PHF24: variants seen among roughly 807,000 people sequenced by gnomAD.
The protein encoded by PHF24 is Galpha inhibitory interacting protein.
Under a neutral mutation model 42.6 loss-of-function variants are expected in PHF24, and 25 were observed. The ratio of observed to expected loss-of-function variants is 0.59; its 90% CI spans 0.43 to 0.82. PHF24 has a LOEUF of 0.82. PHF24 is among the 40% of genes least tolerant of loss of function. The pLI, the probability that PHF24 is intolerant of heterozygous loss-of-function variation, is 0.00. For missense variants in PHF24, 470 were observed against 538.1 expected, an observed-to-expected ratio of 0.87 and a Z score of 1.25; for synonymous variants, 185 against 204.8, an observed-to-expected ratio of 0.90 and a Z score of 0.83.
the PHF24 span, among the ~76,000 whole-genome samples, chr9:34,870,001 T>C: frequency 2.0e-5 from 3 of 152,172 alleles, no homozygotes; most frequent in Admixed American, 1.3e-4. Flanking sequence ...TCCAGCACAA[T>C]GGAGGCCAGT....
At chr9:34,802,276 T>C in the PHF24 span, among the ~76,000 whole-genome samples, 1 of 152,192 alleles carries the variant, frequency 6.6e-6, no homozygotes, top group Non-Finnish European at 1.5e-5. Flanking sequence ...CCCCACTTCC[T>C]AATCACAAGG....
chr9:34,829,481 T>C, the PHF24 span, among the ~76,000 whole-genome samples: 2 of 152,212 alleles, frequency 1.3e-5, no homozygotes. Context: ...ACATAGTAAG[T>C]ATTCCAATAT....
chr9:34,679,540 C>T, the PHF24 span, among the ~76,000 whole-genome samples: 1 of 152,174 alleles, frequency 6.6e-6, no homozygotes, highest in Non-Finnish European at 1.5e-5. Context: ...CATGGTGAAA[C>T]CCTGTCTCTA....
chr9:34,773,467 A>T, the PHF24 span, among the ~76,000 whole-genome samples: 2 of 152,240 alleles, frequency 1.3e-5, no homozygotes, highest in Non-Finnish European at 2.9e-5. Context: ...GGAATTCAGA[A>T]GTCAACTGCA....
the PHF24 span, among the ~76,000 whole-genome samples, chr9:34,873,793 G>A: frequency 2.0e-5 from 3 of 150,682 alleles, no homozygotes; most frequent in African/African-American, 7.3e-5. Flanking sequence ...AATTACCTTG[G>A]GCAGTATGGC....
chr9:34,725,261 G>A, the PHF24 span: 1 of 1,377,088 alleles, frequency 7.3e-7, no homozygotes. Context: ...GATGGACACT[G>A]GGGCCGCAAT....
the PHF24 span, among the ~76,000 whole-genome samples, chr9:34,739,487 G>A: frequency 6.6e-6 from 1 of 152,172 alleles, no homozygotes; most frequent in Admixed American, 6.5e-5. Context: ...TCCGGAATTG[G>A]TGGGTTCTTG....
At chr9:34,947,863 C>T in the PHF24 span, among the ~76,000 whole-genome samples, 15 of 152,084 alleles carry the variant, frequency 9.9e-5, no homozygotes, top group African/African-American at 3.1e-4. Flanking sequence ...AATCCCAGCA[C>T]TTTGGGAGGC....
At chr9:34,825,265 A>G in the PHF24 span, among the ~76,000 whole-genome samples, 1 of 151,924 alleles carries the variant, frequency 6.6e-6, no homozygotes. Context: ...GTATAGGCGA[A>G]GGATGAGGCT....
the PHF24 span, among the ~76,000 whole-genome samples, chr9:34,766,336 A>C: frequency 1.2e-4 from 19 of 152,342 alleles, no homozygotes; most frequent in African/African-American, 4.3e-4. Flanking sequence ...TTTCAGGTAC[A>C]CCAATCAGAC....
chr9:34,866,012 C>T, the PHF24 span, among the ~76,000 whole-genome samples: 2 of 152,164 alleles, frequency 1.3e-5, no homozygotes, highest in African/African-American at 2.4e-5. Flanking sequence ...CTCAGTGTTG[C>T]CCTATTCAAT....
chr9:34,709,302 C>T, the PHF24 span: 1 of 1,500,954 alleles, frequency 6.7e-7, no homozygotes, highest in South Asian at 1.2e-5. Flanking sequence ...CTCCAGGGCC[C>T]CTGAGCATAG....
At chr9:34,905,026 T>C in the PHF24 span, among the ~76,000 whole-genome samples, 1 of 152,028 alleles carries the variant, frequency 6.6e-6, no homozygotes, top group African/African-American at 2.4e-5. Flanking sequence ...GCCAGGTTCG[T>C]TGGAGTTACA....
the PHF24 span, among the ~76,000 whole-genome samples, chr9:34,777,467 A>G: frequency 4.6e-5 from 7 of 152,096 alleles, no homozygotes; most frequent in Admixed American, 2.0e-4. Context: ...GGCTAGGGCG[A>G]GGGCAGTGAA....
At chr9:34,780,018 G>A in the PHF24 span, among the ~76,000 whole-genome samples, 7 of 152,102 alleles carry the variant, frequency 4.6e-5, no homozygotes, top group South Asian at 2.1e-4. Context: ...GAGCCACTGT[G>A]CCCAGCTGGT....
the PHF24 span, among the ~76,000 whole-genome samples, chr9:34,779,083 T>C: frequency 2.0e-5 from 3 of 152,032 alleles, no homozygotes; most frequent in East Asian, 3.9e-4. Flanking sequence ...CCAAAACGTA[T>C]GGAAAGCAGC....
chr9:34,812,406 ATCTC>A, the PHF24 span, among the ~76,000 whole-genome samples: 1 of 152,230 alleles, frequency 6.6e-6, no homozygotes, highest in East Asian at 1.9e-4. Context: ...GTTAAAAAGA[ATCTC>A]TATATGACCT....
the PHF24 span, among the ~76,000 whole-genome samples, chr9:34,890,994 A>G: frequency 1.3e-5 from 2 of 151,852 alleles, no homozygotes; most frequent in African/African-American, 4.9e-5. Context: ...GATGGGCTCA[A>G]TCTGTGATTG....
At chr9:34,912,426 G>A in the PHF24 span, among the ~76,000 whole-genome samples, 58 of 152,210 alleles carry the variant, frequency 3.8e-4, no homozygotes, top group African/African-American at 1.3e-3. Flanking sequence ...TTGAAAATCC[G>A]GCAGAGGAGA....
Sources: allele counts gnomAD v4.1 joint callset (sites outside exome capture counted in the v4.1 genomes callset), GRCh38; gene constraint gnomAD v4.1.1; transcripts MANE v1.5; gene names NCBI Gene and HGNC (gene_info 2026-07-23, HGNC 2026-07-21).